The following ST6GALNAC3 variants were observed in gnomAD, a reference collection of about 807,000 sequenced individuals.
The protein encoded by ST6GALNAC3 is ST6 N-acetylgalactosaminide alpha-2,6-sialyltransferase 3.
ST6GALNAC3 carries 25 observed loss-of-function variants against 32.7 expected under a neutral mutation model. The ratio of observed to expected loss-of-function variants is 0.76; its 90% confidence interval spans 0.56 to 1.07. The LOEUF (loss-of-function observed/expected upper bound fraction) is 1.07. ST6GALNAC3 is among the 50% of genes least tolerant of loss of function. The probability of loss-of-function intolerance (pLI) is 0.00; values close to 1 mark genes in which losing one functional copy is unlikely to be tolerated. For missense variants in ST6GALNAC3, 355 were observed against 382.4 expected (o/e 0.93, Z 0.60); for synonymous variants, 129 against 133.1 (o/e 0.97, Z 0.21).
At chr1:76,244,389 G>A (rs1657141877) in intron 1 of ST6GALNAC3, among the ~76,000 whole-genome samples, 1 of 152,114 alleles carries the variant, frequency 6.6e-6, no homozygotes, top group African/African-American at 2.4e-5. Flanking sequence ...CATGTCATCT[G>A]CAAACAGAGA....
intron 2 of ST6GALNAC3, among the ~76,000 whole-genome samples, chr1:76,410,219 A>T (rs1257554193): frequency 1.3e-5 from 2 of 152,106 alleles, no homozygotes; most frequent in Admixed American, 1.3e-4. Context: ...CTCAGTACCT[A>T]CTTGGCTCTC....
intron 3 of ST6GALNAC3, among the ~76,000 whole-genome samples, chr1:76,569,703 C>G (rs532253008): frequency 6.6e-6 from 1 of 151,938 alleles, no homozygotes; most frequent in Non-Finnish European, 1.5e-5. Context: ...TTATTCTCAC[C>G]ATATATATTT....
intron 2 of ST6GALNAC3, among the ~76,000 whole-genome samples, chr1:76,343,458 C>T (rs1026298840): frequency 6.6e-5 from 10 of 152,106 alleles, no homozygotes; most frequent in African/African-American, 2.2e-4. Context: ...AAAAGACCGT[C>T]GGATCAGTGT....
intron 3 of ST6GALNAC3, among the ~76,000 whole-genome samples, chr1:76,578,825 C>A (rs1426908450): frequency 6.6e-6 from 1 of 151,870 alleles, no homozygotes; most frequent in Non-Finnish European, 1.5e-5. Flanking sequence ...TGTTGTCAGC[C>A]TCAGATGCCT....
intron 2 of ST6GALNAC3, among the ~76,000 whole-genome samples, chr1:76,367,804 C>T (rs1476652627): frequency 6.6e-6 from 1 of 152,120 alleles, no homozygotes; most frequent in Non-Finnish European, 1.5e-5. Flanking sequence ...TTGGTCTCAG[C>T]AGCATTCAGT....
chr1:76,387,858 G>A (rs2101137842), intron 2 of ST6GALNAC3, among the ~76,000 whole-genome samples: 1 of 152,006 alleles, frequency 6.6e-6, no homozygotes, highest in East Asian at 1.9e-4. Flanking sequence ...TCCCCTGATA[G>A]GCTATTCAGC....
chr1:76,184,961 C>CG (rs750527037), intron 1 of ST6GALNAC3, among the ~76,000 whole-genome samples: 1 of 152,180 alleles, frequency 6.6e-6, no homozygotes, highest in Non-Finnish European at 1.5e-5. Context: ...ATCATGAGAG[C>CG]AGCAGGTACC....
chr1:76,224,806 C>A (rs924006918), intron 1 of ST6GALNAC3, among the ~76,000 whole-genome samples: 10 of 152,134 alleles, frequency 6.6e-5, no homozygotes, highest in African/African-American at 2.4e-4. Flanking sequence ...AGTTTTCTCA[C>A]CAAGTGACTT....
intron 2 of ST6GALNAC3, among the ~76,000 whole-genome samples, chr1:76,389,902 T>C (rs916634399): frequency 2.6e-5 from 4 of 152,192 alleles, no homozygotes; most frequent in Non-Finnish European, 5.9e-5. Flanking sequence ...ACGCCTTTTT[T>C]GGTACCATTT....
chr1:76,587,635 C>A (rs960525028), intron 3 of ST6GALNAC3, among the ~76,000 whole-genome samples: 5 of 152,180 alleles, frequency 3.3e-5, no homozygotes, highest in Non-Finnish European at 7.3e-5. Flanking sequence ...CATCTGTAAC[C>A]TGATGTTGGT....
rs1649243949 is a variant in ST6GALNAC3, at chr1:76,630,555, A to C, written c.*1749A>C. The C allele has an allele frequency of 1.0e-6, 1 of 985,328 alleles. No homozygotes were observed. Among genetic ancestry groups the C allele is most frequent in the African/African-American group, 1.7e-5 (1 of 57,214 alleles). The allele number at this position is 985,328 out of a possible 1,614,324, so 61.0% of individuals were successfully genotyped here. Reference sequence around the variant, plus strand: ...AAAAGACAAAAGCCAGGCTCAACTTATAGAATGTTTTGGAAACTGGAAGTA... The same window carrying C: ...AAAAGACAAAAGCCAGGCTCAACTTCTAGAATGTTTTGGAAACTGGAAGTA... On this transcript the variant is annotated 3_prime_UTR_variant, in exon 5 of 5. Coordinates refer to ENST00000328299, the MANE Select transcript of ST6GALNAC3 (RefSeq NM_152996.4).
chr1:76,487,513 C>A (rs188863034), intron 3 of ST6GALNAC3, among the ~76,000 whole-genome samples: 1 of 152,276 alleles, frequency 6.6e-6, no homozygotes, highest in Non-Finnish European at 1.5e-5. Flanking sequence ...TCCAGTTGAT[C>A]GAATCGGCTA....
chr1:76,182,043 A>G (rs1323058736), intron 1 of ST6GALNAC3, among the ~76,000 whole-genome samples: 1 of 152,104 alleles, frequency 6.6e-6, no homozygotes, highest in African/African-American at 2.4e-5. Context: ...TTATCAGCAA[A>G]CCCTACTAAT....
chr1:76,474,535 T>C (rs2101635438), intron 3 of ST6GALNAC3, among the ~76,000 whole-genome samples: 1 of 152,298 alleles, frequency 6.6e-6, no homozygotes, highest in Non-Finnish European at 1.5e-5. Flanking sequence ...GCAGTTGTTA[T>C]TTCTTGATGT....
chr1:76,590,527 A>G (rs1246167388), intron 3 of ST6GALNAC3, among the ~76,000 whole-genome samples: 3 of 152,208 alleles, frequency 2.0e-5, no homozygotes, highest in Non-Finnish European at 4.4e-5. Flanking sequence ...GATTTTAACA[A>G]CACTGCTAAT....
intron 2 of ST6GALNAC3, among the ~76,000 whole-genome samples, chr1:76,317,479 C>T (rs1048335063): frequency 6.6e-6 from 1 of 152,110 alleles, no homozygotes; most frequent in Admixed American, 6.6e-5. Flanking sequence ...CCTATTCATT[C>T]TATTCTAATT....
At chr1:76,157,527 C>T (rs1275331258) in intron 1 of ST6GALNAC3, among the ~76,000 whole-genome samples, 1 of 152,206 alleles carries the variant, frequency 6.6e-6, no homozygotes, top group African/African-American at 2.4e-5. Context: ...GCATACATTT[C>T]CAAAGCCACT....
chr1:76,401,332 A>G (rs529303969), intron 2 of ST6GALNAC3, among the ~76,000 whole-genome samples: 78 of 152,204 alleles, frequency 5.1e-4, no homozygotes, highest in Middle Eastern at 3.4e-3. Flanking sequence ...TTCATGTATT[A>G]TATTTATCAA....
intron 3 of ST6GALNAC3, among the ~76,000 whole-genome samples, chr1:76,577,785 C>T (rs1331708807): frequency 6.6e-6 from 1 of 151,968 alleles, no homozygotes; most frequent in Non-Finnish European, 1.5e-5. Context: ...GGGAGGGTAG[C>T]TTTATCATTC....
Sources: gnomAD v4.1 joint callset for allele counts (sites outside exome capture counted in the v4.1 genomes callset) on GRCh38, gnomAD v4.1.1 for gene constraint, MANE v1.5 for transcripts, NCBI Gene and HGNC (gene_info 2026-07-23, HGNC 2026-07-21) for gene names.